The following ZNF160 variants were observed in gnomAD, a reference collection of about 807,000 sequenced individuals.
ZNF160 encodes the protein zinc finger protein 160, also known as KRAB zinc finger protein KR18.
In ZNF160, 9 loss-of-function variants were observed where a neutral mutation model predicts 13.1. That is an observed-to-expected ratio of 0.69 (90% confidence interval 0.41 to 1.20). The LOEUF (loss-of-function observed/expected upper bound fraction) is 1.20. ZNF160 is among the 50% of genes most tolerant of loss of function. ZNF160 has a pLI of 0.01. For missense variants in ZNF160, 838 were observed against 988.0 expected, an observed-to-expected ratio of 0.85 and a Z score of 2.04; for synonymous variants, 293 against 333.2, an observed-to-expected ratio of 0.88 and a Z score of 1.31.
Position 53,075,107 on chromosome 19 carries a change from A to T in ZNF160, c.92T>A (p.Ile31Asn). Reference sequence around the variant, plus strand: ...CTCCAACATCACGTCCCTGTATAAGATCCTCTGAGCAGGGTCCAGGCATTT... The same window carrying T: ...CTCCAACATCACGTCCCTGTATAAGTTCCTCTGAGCAGGGTCCAGGCATTT... Reference protein sequence around the residue: ...EWKCLDPAQRILYRDVMLENY... With the variant: ...EWKCLDPAQRNLYRDVMLENY... Residue 31 changes from isoleucine (I) to asparagine (N), a missense_variant, in exon 4 of 6, where the codon ATC (isoleucine) becomes AAC (asparagine). Coordinates refer to ENST00000683776, the MANE Select transcript of ZNF160 (RefSeq NM_001322131.2). The T allele has an allele frequency of 1.9e-6, 3 of 1,614,184 alleles. No individual in the cohort carries two copies. Among genetic ancestry groups the T allele is most frequent in the Non-Finnish European group, 2.5e-6 (3 of 1,180,020 alleles).
At chr19:53,071,958 T>C (rs2084193002) in intron 5 of ZNF160, among the ~76,000 whole-genome samples, 1 of 152,118 alleles carries the variant, frequency 6.6e-6, no homozygotes, top group East Asian at 1.9e-4. Context: ...TGCAAAACCA[T>C]CATAGCACTA....
At position 53,067,740 on chromosome 19, in the gene ZNF160, A is replaced by G. The variant is rs1042600298; in HGVS notation, c.*337T>C. 4 of 218,230 alleles carry G rather than the reference A, an allele frequency of 1.8e-5. No individual in the cohort carries two copies. Among genetic ancestry groups the G allele is most frequent in the Non-Finnish European group, 2.7e-5 (3 of 110,208 alleles). The allele number at this position is 218,230 out of a possible 1,614,324, so 13.5% of individuals were successfully genotyped here. A position where few individuals can be genotyped will look rare whatever the true frequency, so the allele number is the denominator to read the frequency against. On this transcript the variant is annotated 3_prime_UTR_variant, in exon 6 of 6. Coordinates refer to ENST00000683776, the MANE Select transcript of ZNF160 (RefSeq NM_001322131.2). ...ATATTTGGACTTGTGAGTATTCTAC[A>G]GTGTATAATATCAAAGGCAAACAGG...
intron 1 of ZNF160, among the ~76,000 whole-genome samples, chr19:53,096,829 G>A (rs1266130914): frequency 7.8e-6 from 1 of 128,978 alleles, no homozygotes; most frequent in Non-Finnish European, 1.7e-5. Flanking sequence ...AACGGGGAAA[G>A]GGAGAAGCGT....
At position 53,075,225 on chromosome 19, in the gene ZNF160, G is replaced by C. The variant is rs371940276; in HGVS notation, c.16-42C>G. 7 of 1,601,952 alleles carry C rather than the reference G, an allele frequency of 4.4e-6. No individual in the cohort carries two copies. The African/African-American group carries it at 9.5e-5, about 22-fold the overall frequency. ...ATTTCACCAAGTGGCTAAGGGGAGA[G>C]TTCAAAATTTCACATAAAAGGAGAA... is the stretch of plus-strand genomic sequence containing the variant. On this transcript the variant is annotated intron_variant, in intron 3 of 5. Coordinates refer to ENST00000683776, the MANE Select transcript of ZNF160 (RefSeq NM_001322131.2).
In ZNF160 at chr19:53,067,845, A is replaced by G. The variant is rs2084013366; in HGVS notation, c.*232T>C. 4.0e-6 allele frequency: 2 copies of G among 495,700 alleles called. No homozygotes were observed. The highest frequency in any genetic ancestry group is 3.8e-5 in the Admixed American group (1 of 26,660). The allele number at this position is 495,700 out of a possible 1,614,324, so 30.7% of individuals were successfully genotyped here. Reference sequence around the variant, plus strand: ...GTAATGGCCTCAGGATGCATATTACATTTGTTTCGTTTCATCAAAGATATA... The same window carrying G: ...GTAATGGCCTCAGGATGCATATTACGTTTGTTTCGTTTCATCAAAGATATA... On this transcript the variant is annotated 3_prime_UTR_variant, in exon 6 of 6. Transcript: ENST00000683776.
chr19:53,101,419 T>C (rs917307434), intron 1 of ZNF160, among the ~76,000 whole-genome samples: 27 of 114,278 alleles, frequency 2.4e-4, no homozygotes, highest in African/African-American at 1.1e-3. Context: ...GAAACCATTT[T>C]GAAAATATAT....
chr19:53,073,874 C>T (rs980889335), intron 5 of ZNF160, among the ~76,000 whole-genome samples: 2 of 152,160 alleles, frequency 1.3e-5, no homozygotes, highest in African/African-American at 4.8e-5. Flanking sequence ...CAACCTCCAC[C>T]TCCCGGGTTC....
At chr19:53,074,332 A>G (rs775634294) in intron 4 of ZNF160, 64 bp from the exon 5 acceptor site, 5 of 1,586,810 alleles carry the variant, frequency 3.2e-6, no homozygotes, top group Non-Finnish European at 4.3e-6. Flanking sequence ...CCCTATGTTT[A>G]CATGAGAGGA....
intron 3 of ZNF160, among the ~76,000 whole-genome samples, chr19:53,082,742 G>A (rs1349767650): frequency 6.6e-6 from 1 of 152,160 alleles, no homozygotes; most frequent in African/African-American, 2.4e-5. Context: ...GCAATCAATT[G>A]TGCAGCAGAC....
At chr19:53,085,303 A>C in intron 3 of ZNF160, 964 of 713,134 alleles carry the variant, frequency 1.4e-3, no homozygotes, top group Middle Eastern at 4.2e-3. Context: ...TTTAAATCTC[A>C]TAATGATGTC....
intron 1 of ZNF160, among the ~76,000 whole-genome samples, chr19:53,097,482 T>C (rs2146019359): frequency 6.6e-6 from 1 of 151,634 alleles, no homozygotes; most frequent in South Asian, 2.1e-4. Context: ...TTCATAAAGA[T>C]CCAGAAGCCC....
intron 5 of ZNF160, chr19:53,073,229 A>T: frequency 6.2e-6 from 9 of 1,451,236 alleles, no homozygotes; most frequent in Non-Finnish European, 6.3e-6. Flanking sequence ...CAGTACTTGT[A>T]TTTCTGTGCT....
At chr19:53,080,257 G>A (rs960767968) in intron 3 of ZNF160, among the ~76,000 whole-genome samples, 4 of 152,062 alleles carry the variant, frequency 2.6e-5, no homozygotes, top group East Asian at 3.9e-4. Flanking sequence ...GCACCACCAC[G>A]CCCGGCTAAT....
In ZNF160 at chr19:53,089,728, T is replaced by C. The variant is rs534392193; in HGVS notation, c.-46+1685A>G. ...TACCCATATTCAATCAACTCACCACTCACCTGAACCAAGGTCCCCTCCTTC... is the reference window on the plus strand; with the variant it reads ...TACCCATATTCAATCAACTCACCACCCACCTGAACCAAGGTCCCCTCCTTC... On this transcript the variant is annotated intron_variant, in intron 2 of 5. Transcript: ENST00000683776. Among the ~76,000 whole-genome samples the C allele has an allele frequency of 2.6e-5, 4 of 152,264 alleles. No homozygotes were observed. In the South Asian group the frequency reaches 8.3e-4, roughly 32 times the overall value.
intron 3 of ZNF160, among the ~76,000 whole-genome samples, chr19:53,081,019 T>C (rs2084610971): frequency 6.6e-6 from 1 of 152,162 alleles, no homozygotes; most frequent in African/African-American, 2.4e-5. Context: ...GCTAAACATA[T>C]GCAGAAGAAT....
intron 3 of ZNF160, chr19:53,085,601 GGACA>G: frequency 6.3e-6 from 1 of 159,642 alleles, no homozygotes; most frequent in Non-Finnish European, 1.4e-5. Context: ...AATACCCGAC[GGACA>G]AAGGTTCTTG....
At chr19:53,072,927 A>G (rs2084233712) in intron 5 of ZNF160, 1 of 776,128 alleles carries the variant, frequency 1.3e-6, no homozygotes, top group Non-Finnish European at 1.6e-6. Flanking sequence ...TAGAACCAAC[A>G]CAATAAGAAC....
chr19:53,081,692 C>T (rs2084639222), intron 3 of ZNF160, among the ~76,000 whole-genome samples: 1 of 152,094 alleles, frequency 6.6e-6, no homozygotes, highest in South Asian at 2.1e-4. Context: ...TTGTTCAGAC[C>T]TTGTGGAAAG....
At chr19:53,077,480 G>C (rs1330655616) in intron 3 of ZNF160, 1 of 152,032 alleles carries the variant, frequency 6.6e-6, no homozygotes, top group Admixed American at 6.6e-5. Context: ...GACCAGCCTG[G>C]CCAAAATGGT....
Sources: allele counts gnomAD v4.1 joint callset (sites outside exome capture counted in the v4.1 genomes callset), GRCh38; gene constraint gnomAD v4.1.1; transcripts MANE v1.5; gene names NCBI Gene and HGNC (gene_info 2026-07-23, HGNC 2026-07-21).